The following NPC1 variants were observed in gnomAD, a reference collection of about 807,000 sequenced individuals.
The protein encoded by NPC1 is Niemann-Pick C1 protein.
Under a neutral mutation model 140.4 loss-of-function variants are expected in NPC1, and 85 were observed. The observed-to-expected ratio is 0.61, with a 90% CI of 0.51 to 0.72. The LOEUF is 0.72. Ranked by LOEUF, NPC1 falls within the 30% of genes least tolerant of loss-of-function variation. The probability of loss-of-function intolerance (pLI) is 0.00; values close to 1 mark genes in which losing one functional copy is unlikely to be tolerated. For missense variants in NPC1, 1,504 were observed against 1,623.8 expected (o/e 0.93, Z 1.27); for synonymous variants, 656 against 624.8 (o/e 1.05, Z -0.74).
downstream of NPC1, chr18:23,528,402 C>G (rs1179083350): frequency 6.5e-6 from 1 of 154,268 alleles, no homozygotes; most frequent in Non-Finnish European, 1.4e-5. Context: ...GCCACCAATT[C>G]CCGCTGTATT....
At position 23,539,975 on chromosome 18, in the gene NPC1, T is replaced by A; in HGVS notation, c.2631A>T (p.Lys877Asn). ...CCGCATGCAGGTACTGACTGATGGA[T>A]TTGAAATAATCCACCATGTAGGAGT... ...PDDSYMVDYFKSISQYLHAGP... is the reference protein window; with the variant it reads ...PDDSYMVDYFNSISQYLHAGP... Residue 877 changes from lysine to asparagine, a missense_variant, in exon 18 of 25, where the codon AAA (lysine) becomes AAT (asparagine). Physicochemically the swap from Lys to Asn is moderately conservative, Grantham distance 94. Transcript: ENST00000269228. 1 of 1,614,124 alleles carries A rather than the reference T, an allele frequency of 6.2e-7. No homozygotes were observed. Among genetic ancestry groups the A allele is most frequent in the South Asian group, 1.1e-5 (1 of 91,084 alleles).
chr18:23,509,415 G>A, intron 3 of NPC1: 2 of 331,700 alleles, frequency 6.0e-6, no homozygotes, highest in Middle Eastern at 8.9e-4. Context: ...TGTTGCCCAG[G>A]CTGCAGTGCA....
At chr18:23,551,447 C>G (rs1447044447) in intron 10 of NPC1, 180 bp downstream of exon 10, 1 of 667,954 alleles carries the variant, frequency 1.5e-6, no homozygotes, top group African/African-American at 1.8e-5. Flanking sequence ...CAATCCACTT[C>G]TTTTAAATCT....
At chr18:23,575,677 A>T (rs2059264977) in intron 1 of NPC1, among the ~76,000 whole-genome samples, 1 of 151,584 alleles carries the variant, frequency 6.6e-6, no homozygotes, top group Non-Finnish European at 1.5e-5. Flanking sequence ...AGACTTAAAA[A>T]ATTAACACCT....
intron 22 of NPC1, 134 bp downstream of exon 22, chr18:23,535,335 C>T: frequency 1.4e-6 from 1 of 737,152 alleles, no homozygotes; most frequent in Non-Finnish European, 2.4e-6. Flanking sequence ...CATCCTGCCT[C>T]TCCATGTGTG....
Position 23,536,722 on chromosome 18 carries a change from T to C in NPC1, c.3196A>G (p.Thr1066Ala), listed in dbSNP as rs747903100. 7.6e-5 allele frequency: 122 copies of C among 1,614,070 alleles called. No homozygotes were observed. The highest frequency in any genetic ancestry group is 1.0e-4 in the Non-Finnish European group (120 of 1,180,040). Residue 1066 changes from threonine (T) to alanine (A), a missense_variant, in exon 21 of 25, where the codon ACC (threonine) becomes GCC (alanine). Thr to Ala is a moderately conservative substitution (Grantham distance 58). Coordinates refer to ENST00000269228, the MANE Select transcript of NPC1 (RefSeq NM_000271.5). ...KKARLIASNV[T>A]ETMGINGSAY... Reference sequence around the variant, plus strand: ...CTGCCGTTAATGCCCATGGTTTCGGTGACATTACTGGCTATAAGTCGGGCT... The same window carrying C: ...CTGCCGTTAATGCCCATGGTTTCGGCGACATTACTGGCTATAAGTCGGGCT...
Position 23,534,481 on chromosome 18 carries a change from G to A in NPC1, c.3556C>T (p.Arg1186Cys), listed in dbSNP as rs145297180. The change falls in exon 23 of 25, where the codon CGC becomes TGC. Residue 1186 changes from arginine (R) to cysteine (C), a missense_variant. By Grantham distance (180) the Arg-to-Cys change is radical (BLOSUM62 -3). Transcript: ENST00000269228. ...TVSMKGSRVE[R>C]AEEALAHMGS... The stretch of plus-strand genomic sequence containing the variant: ...ATGTGGGCAAGTGCCTCTTCCGCGC[G>A]CTCCACGCGGCTGCCTTTCATGCTC... 4.8e-5 allele frequency: 78 copies of A among 1,613,800 alleles called. No homozygotes were observed. The highest frequency in any genetic ancestry group is 6.3e-5 in the Non-Finnish European group (74 of 1,179,994).
At chr18:23,529,494 G>A, downstream of NPC1, 1 of 1,248,248 alleles carries the variant, frequency 8.0e-7, no homozygotes. Context: ...GGGTGGTTCT[G>A]GAGCGATGTG....
chr18:23,580,245 T>G (rs2059341544), intron 1 of NPC1, among the ~76,000 whole-genome samples: 1 of 152,108 alleles, frequency 6.6e-6, no homozygotes, highest in Non-Finnish European at 1.5e-5. Context: ...ATAACATGAT[T>G]TTGAACACCA....
At position 23,509,317 on chromosome 18, in the gene NPC1, C is replaced by A. The variant is rs745678759; in HGVS notation, c.432-2675G>T. 3.9e-6 allele frequency: 4 copies of A among 1,027,126 alleles called. No individual in the cohort carries two copies. In the South Asian group the frequency reaches 1.0e-4, roughly 26 times the overall value. The allele number at this position is 1,027,126 out of a possible 1,614,324, so 63.6% of individuals were successfully genotyped here. A position where few individuals can be genotyped will look rare whatever the true frequency, so the allele number is the denominator to read the frequency against. ...TCATTTATGTTTGTTGGTTAAAGTT[C>A]AGTGATAGCATTCTGGCAGCCTTTT... On this transcript the variant is annotated intron_variant, in intron 3 of 3. Coordinates refer to the NPC1 transcript ENST00000591107.
chr18:23,523,294 C>A (rs1176464067), intron 1 of NPC1, among the ~76,000 whole-genome samples: 1 of 152,098 alleles, frequency 6.6e-6, no homozygotes, highest in Non-Finnish European at 1.5e-5. Context: ...GCCTGCATGG[C>A]TCATGAGCAG....
chr18:23,565,352 G>T (rs1012387233), intron 4 of NPC1, among the ~76,000 whole-genome samples: 1 of 152,038 alleles, frequency 6.6e-6, no homozygotes, highest in African/African-American at 2.4e-5. Context: ...TCTTTAGTGT[G>T]TTTTTTCTGT....
At chr18:23,585,631 A>C (rs902746626) in intron 1 of NPC1, among the ~76,000 whole-genome samples, 2 of 152,214 alleles carry the variant, frequency 1.3e-5, no homozygotes, top group African/African-American at 2.4e-5. Flanking sequence ...AAAGCTATTA[A>C]ACCAAGCAAA....
chr18:23,577,735 G>C (rs919033685), intron 1 of NPC1, among the ~76,000 whole-genome samples: 2 of 151,974 alleles, frequency 1.3e-5, no homozygotes, highest in African/African-American at 4.8e-5. Flanking sequence ...GGGGGTGGGA[G>C]GCTCTGGCAT....
Position 23,539,351 on chromosome 18 carries a change from G to C in NPC1, c.2911+4C>G. The C allele has an allele frequency of 3.8e-6, 6 of 1,593,412 alleles. No individual in the cohort carries two copies. The highest frequency in any genetic ancestry group is 4.3e-6 in the Non-Finnish European group (5 of 1,161,202). On this transcript the variant is annotated splice_donor_region_variant and intron_variant, in intron 19 of 24. Coordinates refer to ENST00000269228, the MANE Select transcript of NPC1 (RefSeq NM_000271.5). ...CAGGAAAGATTTGGTAAAGGAGAAG[G>C]TACCTGAAGCATTGCAGAACTGGTC...
At position 23,540,092 on chromosome 18, in the gene NPC1, G is replaced by A. The variant is rs551513636; in HGVS notation, c.2605-91C>T. 3.6e-5 allele frequency: 42 copies of A among 1,155,050 alleles called. No individual in the cohort carries two copies. The African/African-American group carries it at 4.6e-4, about 13-fold the overall frequency. The allele number at this position is 1,155,050 out of a possible 1,614,324, so 71.6% of individuals were successfully genotyped here. ...ATCATGGAGAATAAGAGGGTGCCAG[G>A]AGGTTCCTGGCTGAGATGCCTCCAG... is the stretch of plus-strand genomic sequence containing the variant. On this transcript the variant is annotated intron_variant, in intron 17 of 24. Transcript: ENST00000269228.
chr18:23,568,369 G>A (rs1357178366), intron 4 of NPC1, among the ~76,000 whole-genome samples: 1 of 152,154 alleles, frequency 6.6e-6, no homozygotes, highest in Admixed American at 6.5e-5. Context: ...AATGTTGTAT[G>A]TTGGTCAATG....
intron 3 of NPC1, among the ~76,000 whole-genome samples, chr18:23,509,002 T>C (rs2057780954): frequency 6.6e-6 from 1 of 152,162 alleles, no homozygotes; most frequent in Non-Finnish European, 1.5e-5. Context: ...GGATTCAGGT[T>C]CTTGAATGAA....
At chr18:23,581,833 T>C (rs1168043743) in intron 1 of NPC1, among the ~76,000 whole-genome samples, 1 of 152,208 alleles carries the variant, frequency 6.6e-6, no homozygotes, top group African/African-American at 2.4e-5. Flanking sequence ...AAAAATGGAC[T>C]CTCCATAACA....
Sources: gnomAD v4.1 joint callset for allele counts (sites outside exome capture counted in the v4.1 genomes callset) on GRCh38, gnomAD v4.1.1 for gene constraint, MANE v1.5 for transcripts, NCBI Gene and HGNC (gene_info 2026-07-23, HGNC 2026-07-21) for gene names.